RIC8B: variants seen among roughly 807,000 people sequenced by gnomAD.
The protein encoded by RIC8B is RIC8 guanine nucleotide exchange factor B, also known as chaperone Ric-8B.
RIC8B carries 16 observed loss-of-function variants against 57.5 expected under a neutral mutation model. The ratio of observed to expected loss-of-function variants is 0.28; its 90% CI spans 0.19 to 0.42. RIC8B has a LOEUF of 0.42. Among genes scored for constraint, RIC8B ranks in the 10% least tolerant of loss-of-function variants. The probability of loss-of-function intolerance (pLI) is 1.00; values close to 1 mark genes in which losing one functional copy is unlikely to be tolerated. For missense variants in RIC8B, 481 were observed against 677.0 expected (o/e 0.71, Z 3.21); for synonymous variants, 216 against 250.8 (o/e 0.86, Z 1.31).
At chr12:106,862,457 G>A (rs1471690635) in intron 8 of RIC8B, among the ~76,000 whole-genome samples, 1 of 152,002 alleles carries the variant, frequency 6.6e-6, no homozygotes, top group Non-Finnish European at 1.5e-5. Context: ...GCAAGCAGGA[G>A]TACCCTTTGT....
chr12:106,818,912 A>G (rs1404009502), intron 3 of RIC8B, among the ~76,000 whole-genome samples: 4 of 152,010 alleles, frequency 2.6e-5, no homozygotes, highest in Non-Finnish European at 5.9e-5. Context: ...GATTACAGGC[A>G]TGTGCCACCA....
intron 9 of RIC8B, among the ~76,000 whole-genome samples, chr12:106,878,725 A>G (rs1271005123): frequency 6.6e-6 from 1 of 152,164 alleles, no homozygotes; most frequent in African/African-American, 2.4e-5. Flanking sequence ...ACAGAAGTCA[A>G]CAAAACAAGT....
chr12:106,823,900 A>C (rs994372703), intron 3 of RIC8B, among the ~76,000 whole-genome samples: 4 of 152,042 alleles, frequency 2.6e-5, no homozygotes, highest in Non-Finnish European at 5.9e-5. Flanking sequence ...TGGCCAGGCT[A>C]TCCTCTAACT....
At chr12:106,871,671 T>C (rs1466108724) in intron 9 of RIC8B, among the ~76,000 whole-genome samples, 1 of 152,196 alleles carries the variant, frequency 6.6e-6, no homozygotes, top group African/African-American at 2.4e-5. Context: ...TAGTCATACA[T>C]TGAGTCACTA....
chr12:106,792,286 T>C (rs1358389335), intron 2 of RIC8B, among the ~76,000 whole-genome samples: 1 of 152,214 alleles, frequency 6.6e-6, no homozygotes, highest in African/African-American at 2.4e-5. Context: ...CTTTTAGTTT[T>C]AGATGTTTTC....
intron 4 of RIC8B, among the ~76,000 whole-genome samples, chr12:106,831,246 T>A (rs1212197853): frequency 6.6e-6 from 1 of 152,192 alleles, no homozygotes; most frequent in Non-Finnish European, 1.5e-5. Flanking sequence ...GACAGATGGC[T>A]CCATCTTCTC....
intron 7 of RIC8B, among the ~76,000 whole-genome samples, chr12:106,854,230 G>A (rs1336015821): frequency 6.6e-6 from 1 of 151,724 alleles, no homozygotes; most frequent in South Asian, 2.1e-4. Flanking sequence ...AAACCTTCTG[G>A]CCAGAAAAAA....
intron 2 of RIC8B, among the ~76,000 whole-genome samples, chr12:106,806,648 G>A (rs1423753439): frequency 1.6e-4 from 24 of 152,160 alleles, no homozygotes; most frequent in African/African-American, 5.3e-4. Context: ...TGACCAACCT[G>A]GTGAAACCCC....
intron 7 of RIC8B, among the ~76,000 whole-genome samples, chr12:106,859,775 A>G (rs550042165): frequency 2.0e-4 from 30 of 152,230 alleles, no homozygotes; most frequent in Middle Eastern, 3.4e-3. Context: ...GTTATCACCT[A>G]TGCTATTTGC....
At chr12:106,820,501 A>G (rs1940134601) in intron 3 of RIC8B, among the ~76,000 whole-genome samples, 1 of 152,242 alleles carries the variant, frequency 6.6e-6, no homozygotes. Flanking sequence ...ACACTTTTCT[A>G]AATATCTCTG....
At chr12:106,816,376 ACTAAATATTTGAAT>A (rs2045576394) in intron 3 of RIC8B, among the ~76,000 whole-genome samples, 1 of 152,184 alleles carries the variant, frequency 6.6e-6, no homozygotes, top group South Asian at 2.1e-4. Flanking sequence ...GTATTTTGAA[ACTAAATATTTGAAT>A]ATCAGCTCTA....
intron 2 of RIC8B, among the ~76,000 whole-genome samples, chr12:106,785,783 A>ATATCTC (rs1242289662): frequency 2.6e-5 from 2 of 75,724 alleles, no homozygotes; most frequent in African/African-American, 1.1e-4. Context: ...TGTGTATTCT[A>ATATCTC]TGTCTCTCTC....
At chr12:106,838,588 G>T (rs1233474057) in intron 4 of RIC8B, among the ~76,000 whole-genome samples, 1 of 150,610 alleles carries the variant, frequency 6.6e-6, no homozygotes, top group African/African-American at 2.4e-5. Flanking sequence ...AGCAGGAGAC[G>T]TGAGAGAAAA....
intron 6 of RIC8B, among the ~76,000 whole-genome samples, chr12:106,847,791 C>G (rs1212029365): frequency 6.6e-6 from 1 of 152,180 alleles, no homozygotes; most frequent in Non-Finnish European, 1.5e-5. Flanking sequence ...GCCCTCATTT[C>G]TTAGCACAGT....
chr12:106,785,813 C>CTGTGTGTG (rs61337359), intron 2 of RIC8B, among the ~76,000 whole-genome samples: 3 of 123,932 alleles, frequency 2.4e-5, no homozygotes, highest in South Asian at 2.9e-4. Context: ...CTCTCTCTCT[C>CTGTGTGTG]TGTGTGTGTG....
chr12:106,872,502 C>A (rs805503), intron 9 of RIC8B, among the ~76,000 whole-genome samples: 3,601 of 152,154 alleles, frequency 0.024, 72 homozygotes, highest in Non-Finnish European at 0.039. Context: ...AACCCTGTCT[C>A]TACTGAAAAT....
chr12:106,861,379 GT>G (rs1191628252), intron 8 of RIC8B, among the ~76,000 whole-genome samples: 1 of 152,028 alleles, frequency 6.6e-6, no homozygotes, highest in Non-Finnish European at 1.5e-5. Context: ...CAAGTAATGG[GT>G]TGTCAGAAGG....
intron 8 of RIC8B, among the ~76,000 whole-genome samples, chr12:106,869,371 A>G (rs946639846): frequency 3.3e-5 from 5 of 152,164 alleles, no homozygotes; most frequent in Admixed American, 2.6e-4. Context: ...TGCCCAACCG[A>G]AAGTCTCAAA....
chr12:106,777,301 G>A (rs905722458), intron 1 of RIC8B, among the ~76,000 whole-genome samples: 4 of 152,220 alleles, frequency 2.6e-5, no homozygotes, highest in Non-Finnish European at 5.9e-5. Context: ...CAGATGAATA[G>A]GAAGTGAATG....
Sources: allele counts gnomAD v4.1 joint callset (sites outside exome capture counted in the v4.1 genomes callset), GRCh38; gene constraint gnomAD v4.1.1; transcripts MANE v1.5; gene names NCBI Gene and HGNC (gene_info 2026-07-23, HGNC 2026-07-21).